The following RAB3IP variants were observed in gnomAD, a reference collection of about 807,000 sequenced individuals.
The protein encoded by RAB3IP is RAB3A interacting protein, also known as rab-3A-interacting protein.
Under a neutral mutation model 59.1 loss-of-function variants are expected in RAB3IP, and 36 were observed. That is an observed-to-expected ratio of 0.61 (90% confidence interval 0.47 to 0.80). The LOEUF (loss-of-function observed/expected upper bound fraction) is 0.80, where lower values mean the gene tolerates loss of function less well. Among genes scored for constraint, RAB3IP ranks in the 30% least tolerant of loss-of-function variants. The pLI is 0.00. For missense variants in RAB3IP, 511 were observed against 536.0 expected, an observed-to-expected ratio of 0.95 and a Z score of 0.46; for synonymous variants, 207 against 191.2, an observed-to-expected ratio of 1.08 and a Z score of -0.68.
At chr12:69,744,596 C>T (rs569704361) in intron 1 of RAB3IP, among the ~76,000 whole-genome samples, 29 of 151,340 alleles carry the variant, frequency 1.9e-4, no homozygotes, top group Admixed American at 1.3e-3. Context: ...TGGTGGCAGG[C>T]GCCTGTAATC....
At position 69,819,972 on chromosome 12, in the gene RAB3IP, T is replaced by A. The variant is rs1467043689; in HGVS notation, c.*4526T>A. ...TTTCTGAACATTGGGTCTTAGTCCT[T>A]AAAATAACTTGCAACCTGTTACGTC... On this transcript the variant is annotated 3_prime_UTR_variant, in exon 11 of 11. Transcript: ENST00000247833. 1 of 152,182 alleles carries A rather than the reference T, an allele frequency of 6.6e-6. No homozygotes were observed. Among genetic ancestry groups the A allele is most frequent in the African/African-American group, 2.4e-5 (1 of 41,452 alleles). 9.4% of individuals were successfully genotyped at this position (152,182 alleles called of 1,614,324 possible). A position where few individuals can be genotyped will look rare whatever the true frequency, so the allele number is the denominator to read the frequency against.
chr12:69,741,499 TA>T (rs1388886618), intron 1 of RAB3IP, among the ~76,000 whole-genome samples: 15 of 152,226 alleles, frequency 9.9e-5, no homozygotes, highest in Non-Finnish European at 1.6e-4. Flanking sequence ...ATTTCTGGTT[TA>T]AAAATATCCA....
At chr12:69,748,839 TG>T (rs1389862053) in intron 1 of RAB3IP, among the ~76,000 whole-genome samples, 1 of 152,236 alleles carries the variant, frequency 6.6e-6, no homozygotes, top group African/African-American at 2.4e-5. Flanking sequence ...AAAGCTTCTA[TG>T]TATTTAAAGG....
chr12:69,765,829 C>T (rs546384065), intron 3 of RAB3IP, among the ~76,000 whole-genome samples: 1 of 152,314 alleles, frequency 6.6e-6, no homozygotes, highest in Non-Finnish European at 1.5e-5. Flanking sequence ...TCTTGTAAGG[C>T]TAGTCTAGTG....
chr12:69,796,609 T>A (rs1877470209), intron 6 of RAB3IP: 1 of 626,362 alleles, frequency 1.6e-6, no homozygotes, highest in East Asian at 3.0e-5. Context: ...TTAATTGAAT[T>A]GCATTTTGAC....
intron 3 of RAB3IP, among the ~76,000 whole-genome samples, chr12:69,783,380 G>C (rs1875073125): frequency 6.6e-6 from 1 of 152,092 alleles, no homozygotes; most frequent in African/African-American, 2.4e-5. Flanking sequence ...TCTGTCAACT[G>C]TTTCCTTTGG....
intron 3 of RAB3IP, among the ~76,000 whole-genome samples, chr12:69,763,324 C>A (rs1041048160): frequency 6.6e-6 from 1 of 152,196 alleles, no homozygotes; most frequent in Admixed American, 6.5e-5. Context: ...TCTGCTAAAA[C>A]TGTGACTAAC....
chr12:69,788,991 A>G (rs76837388), intron 4 of RAB3IP, among the ~76,000 whole-genome samples: 6,057 of 152,204 alleles, frequency 0.04, 129 homozygotes, highest in Non-Finnish European at 0.048. Context: ...AAGTTTCTTG[A>G]GACGAATAAA....
intron 1 of RAB3IP, among the ~76,000 whole-genome samples, chr12:69,741,297 A>G (rs765034357): frequency 8.5e-5 from 13 of 152,190 alleles, no homozygotes; most frequent in Non-Finnish European, 1.3e-4. Flanking sequence ...GAAAGTTGCG[A>G]TAATTTGTCT....
chr12:69,769,925 T>C (rs1188806737), intron 3 of RAB3IP, among the ~76,000 whole-genome samples: 7 of 152,224 alleles, frequency 4.6e-5, no homozygotes, highest in Admixed American at 6.5e-5. Context: ...AGCTGTGTTA[T>C]AAATTTAATT....
chr12:69,798,023 C>A (rs1460830177), intron 6 of RAB3IP, among the ~76,000 whole-genome samples: 3 of 152,140 alleles, frequency 2.0e-5, no homozygotes, highest in African/African-American at 4.8e-5. Context: ...ATTTATAGTC[C>A]TTTGGGTATA....
Position 69,815,505 on chromosome 12 carries a change from T to G in RAB3IP, c.*59T>G, listed in dbSNP as rs928296279. 1 of 1,171,268 alleles carries G rather than the reference T, an allele frequency of 8.5e-7. No homozygotes were observed. The highest frequency in any genetic ancestry group is 1.3e-6 in the Non-Finnish European group (1 of 785,170). The allele number at this position is 1,171,268 out of a possible 1,614,324, so 72.6% of individuals were successfully genotyped here. On this transcript the variant is annotated 3_prime_UTR_variant, in exon 11 of 11. Coordinates refer to ENST00000247833, the MANE Select transcript of RAB3IP (RefSeq NM_022456.5). ...ATAACTGAAAAATGGCTGAATATTT[T>G]TATGGTTACTTGATATTTATTTCCA...
At position 69,799,527 on chromosome 12, in the gene RAB3IP, T is replaced by C. The variant is rs369709631; in HGVS notation, c.889-682T>C. On this transcript the variant is annotated intron_variant, in intron 6 of 10. Coordinates refer to ENST00000247833, the MANE Select transcript of RAB3IP (RefSeq NM_022456.5). Reference sequence around the variant, plus strand: ...CCAGCAGTGGATTATTATTGATGCCTAAGATGGTAGTTACTGGGTGCCAAA... The same window carrying C: ...CCAGCAGTGGATTATTATTGATGCCCAAGATGGTAGTTACTGGGTGCCAAA... Among the ~76,000 whole-genome samples, 3 of 152,198 alleles carry C rather than the reference T, an allele frequency of 2.0e-5. No individual in the cohort carries two copies. The East Asian group carries it at 5.8e-4, about 29-fold the overall frequency.
intron 3 of RAB3IP, among the ~76,000 whole-genome samples, chr12:69,772,747 C>T (rs945317803): frequency 1.3e-5 from 2 of 152,148 alleles, no homozygotes; most frequent in Non-Finnish European, 2.9e-5. Context: ...TGTATTGTCT[C>T]TCTCTTAACA....
intron 5 of RAB3IP, 26 bp downstream of exon 5, chr12:69,794,540 A>G (rs776836055): frequency 1.9e-6 from 3 of 1,558,922 alleles, no homozygotes; most frequent in South Asian, 1.2e-5. Context: ...TCTTAATAGT[A>G]TAAAATAAAT....
intron 8 of RAB3IP, among the ~76,000 whole-genome samples, chr12:69,805,191 C>A (rs1485315854): frequency 1.3e-5 from 2 of 152,276 alleles, no homozygotes; most frequent in East Asian, 3.9e-4. Context: ...GTTTGTAGTT[C>A]TCCTTGAAGA....
Position 69,822,522 on chromosome 12 carries a change from G to A in RAB3IP, c.*7076G>A, listed in dbSNP as rs529261522. 2.4e-4 allele frequency: 33 copies of A among 140,406 alleles called. No individual in the cohort carries two copies. Among genetic ancestry groups the A allele is most frequent in the African/African-American group, 8.0e-4 (31 of 38,638 alleles). 8.7% of individuals were successfully genotyped at this position (140,406 alleles called of 1,614,324 possible). On this transcript the variant is annotated 3_prime_UTR_variant, in exon 11 of 11. Transcript: ENST00000247833. ...AATACAACAGGATAGCAGAGGCTGG[G>A]AAGGGTAATGGGGGTTGGGGGGTGG...
intron 3 of RAB3IP, among the ~76,000 whole-genome samples, chr12:69,760,156 T>C (rs7973077): frequency 0.11 from 16,304 of 152,304 alleles, 1,202 homozygotes; most frequent in Middle Eastern, 0.17. Flanking sequence ...GGCTGGCGGA[T>C]CACTCACGGT....
intron 1 of RAB3IP, among the ~76,000 whole-genome samples, chr12:69,752,922 T>G (rs1869576455): frequency 6.6e-6 from 1 of 152,322 alleles, no homozygotes; most frequent in Admixed American, 6.5e-5. Context: ...GAATAAAAAA[T>G]GAAAATTCTT....
Sources: allele counts gnomAD v4.1 joint callset (sites outside exome capture counted in the v4.1 genomes callset), GRCh38; gene constraint gnomAD v4.1.1; transcripts MANE v1.5; gene names NCBI Gene and HGNC (gene_info 2026-07-23, HGNC 2026-07-21).